Variants in DENND2B observed in about 807,000 individuals in gnomAD.
DENND2B encodes DENN domain-containing protein 2B.
Under a neutral mutation model 116.0 loss-of-function variants are expected in DENND2B, and 32 were observed. The observed-to-expected ratio is 0.28, with a 90% CI of 0.21 to 0.37. The LOEUF is 0.37. DENND2B is among the 10% of genes least tolerant of loss of function. The probability of loss-of-function intolerance (pLI) is 1.00; values close to 1 mark genes in which losing one functional copy is unlikely to be tolerated. For synonymous variants in DENND2B, 588 were observed against 583.9 expected (o/e 1.01, Z -0.10); for missense variants, 1,276 against 1,477.7 (o/e 0.86, Z 2.24).
At chr11:8,762,747 C>T (rs999336502) in intron 1 of DENND2B, among the ~76,000 whole-genome samples, 1 of 152,184 alleles carries the variant, frequency 6.6e-6, no homozygotes, top group African/African-American at 2.4e-5. Flanking sequence ...GTAATCCTAA[C>T]TACTCGGGAG....
intron 2 of DENND2B, among the ~76,000 whole-genome samples, chr11:8,857,769 G>T (rs1478202294): frequency 1.3e-5 from 2 of 152,340 alleles, no homozygotes; most frequent in Non-Finnish European, 2.9e-5. Flanking sequence ...ACGTGGTTCT[G>T]ACATCAACTG....
At chr11:8,754,049 A>ACACACACACG (rs1224774312) in intron 1 of DENND2B, among the ~76,000 whole-genome samples, 1 of 151,988 alleles carries the variant, frequency 6.6e-6, no homozygotes, top group Non-Finnish European at 1.5e-5. Context: ...ACACACACAC[A>ACACACACACG]CACACACACA....
At position 8,707,106 on chromosome 11, in the gene DENND2B, G is replaced by A. The variant is rs373239718; in HGVS notation, c.2550C>T (p.Phe850=). ...CTACCTCATTGCCAGCACCTGGCAG[G>A]AATGTCTTCACTTTGATGGTCTTCC... The part of the protein sequence containing the change: ...APGKTIKVKT[F]LPGAGNEVLE... The change falls in exon 13 of 20, where the codon TTC becomes TTT. Residue 850 remains phenylalanine, a synonymous_variant. Transcript: ENST00000313726. The surrounding 1 kb of genome is among the most constrained non-coding windows in gnomAD (Gnocchi z 4.8). The A allele has an allele frequency of 6.2e-7, 1 of 1,613,514 alleles. No homozygotes were observed. The highest frequency in any genetic ancestry group is 8.5e-7 in the Non-Finnish European group (1 of 1,179,714).
At chr11:8,848,029 C>G (rs1289483520) in intron 3 of DENND2B, among the ~76,000 whole-genome samples, 2 of 152,154 alleles carry the variant, frequency 1.3e-5, no homozygotes, top group African/African-American at 2.4e-5. Context: ...CCAGAGACTA[C>G]CACTATGACA....
intron 11 of DENND2B, chr11:8,708,079 C>A: frequency 6.8e-7 from 1 of 1,464,688 alleles, no homozygotes; most frequent in Non-Finnish European, 9.0e-7. Context: ...AGGTACCAGG[C>A]TCCTGCCAGG....
At chr11:8,908,153 T>A (rs1292319175) in intron 1 of DENND2B, among the ~76,000 whole-genome samples, 3 of 152,198 alleles carry the variant, frequency 2.0e-5, no homozygotes, top group Non-Finnish European at 4.4e-5. Context: ...ATTGAAAGGC[T>A]ATTGGGAGAG....
At chr11:8,793,195 T>C (rs1367206649) in intron 1 of DENND2B, among the ~76,000 whole-genome samples, 1 of 152,236 alleles carries the variant, frequency 6.6e-6, no homozygotes, top group Non-Finnish European at 1.5e-5. Flanking sequence ...CATTTTTTAA[T>C]TGCAGTAAAG....
chr11:8,767,865 G>C (rs1201523038), intron 1 of DENND2B, among the ~76,000 whole-genome samples: 1 of 152,144 alleles, frequency 6.6e-6, no homozygotes, highest in Non-Finnish European at 1.5e-5. Context: ...AGTACCCCAA[G>C]GGCCACAGAT....
At chr11:8,886,832 T>G (rs942174433) in intron 1 of DENND2B, among the ~76,000 whole-genome samples, 2 of 152,178 alleles carry the variant, frequency 1.3e-5, no homozygotes, top group Non-Finnish European at 2.9e-5. Flanking sequence ...TTATCTTTTT[T>G]TTTGGCAGGG....
upstream of DENND2B, among the ~76,000 whole-genome samples, chr11:8,811,938 T>C (rs1382223425): frequency 6.6e-6 from 1 of 152,084 alleles, no homozygotes; most frequent in Non-Finnish European, 1.5e-5. Context: ...AGGGTCTCAC[T>C]ATGTTGCCCA....
intron 2 of DENND2B, among the ~76,000 whole-genome samples, chr11:8,736,478 CAT>C (rs1203152867): frequency 1.3e-5 from 2 of 152,082 alleles, no homozygotes; most frequent in African/African-American, 4.8e-5. Flanking sequence ...GAGCAGGTAA[CAT>C]ATCAACTCTG....
At chr11:8,790,824 C>T (rs1331898722) in intron 1 of DENND2B, among the ~76,000 whole-genome samples, 5 of 152,070 alleles carry the variant, frequency 3.3e-5, no homozygotes, top group Non-Finnish European at 7.4e-5. Flanking sequence ...AAATGATGCT[C>T]GCTAAATCCT....
chr11:8,780,227 G>A (rs1358134698), intron 1 of DENND2B, among the ~76,000 whole-genome samples: 1 of 152,086 alleles, frequency 6.6e-6, no homozygotes, highest in Non-Finnish European at 1.5e-5. Flanking sequence ...ATCAGGTATG[G>A]GTCCATCCTC....
intron 1 of DENND2B, among the ~76,000 whole-genome samples, chr11:8,800,292 T>G (rs2060204885): frequency 6.6e-6 from 1 of 152,156 alleles, no homozygotes. Flanking sequence ...TCAGAACACA[T>G]ATTAGGTCAC....
intron 1 of DENND2B, among the ~76,000 whole-genome samples, chr11:8,778,957 A>G (rs3913547): frequency 0.24 from 36,452 of 152,240 alleles, 4,671 homozygotes; most frequent in South Asian, 0.34. Context: ...TCTGCTACTG[A>G]TAATCTTCCA....
chr11:8,823,964 G>A (rs1343663467), intron 4 of DENND2B, among the ~76,000 whole-genome samples: 3 of 146,544 alleles, frequency 2.0e-5, no homozygotes, highest in African/African-American at 7.6e-5. Context: ...GTGCAGTGGC[G>A]TGATCTCAGC....
chr11:8,739,770 G>A (rs1390243163), intron 2 of DENND2B, among the ~76,000 whole-genome samples: 1 of 152,190 alleles, frequency 6.6e-6, no homozygotes, highest in Non-Finnish European at 1.5e-5. Flanking sequence ...AGGGGAGAAT[G>A]CAAAGGACAT....
At chr11:8,815,391 C>CT (rs1453065199), upstream of DENND2B, among the ~76,000 whole-genome samples, 2 of 152,266 alleles carry the variant, frequency 1.3e-5, no homozygotes, top group African/African-American at 4.8e-5. Flanking sequence ...AACGTTCCCT[C>CT]TTCTGGCCTA....
At chr11:8,696,806 C>G (rs966763219) in intron 17 of DENND2B, 140 bp from the exon 18 acceptor site, 1 of 1,347,436 alleles carries the variant, frequency 7.4e-7, no homozygotes, top group African/African-American at 1.5e-5. Flanking sequence ...TTTTTGAGAC[C>G]GAGTTTCACT....
Sources: gnomAD v4.1 joint callset for allele counts (sites outside exome capture counted in the v4.1 genomes callset) on GRCh38, gnomAD v4.1.1 for gene constraint, Gnocchi (gnomAD v3.1) non-coding constraint, MANE v1.5 for transcripts, NCBI Gene and HGNC (gene_info 2026-07-23, HGNC 2026-07-21) for gene names.